Variants in KALRN observed in about 807,000 individuals in gnomAD.
KALRN encodes kalirin.
In KALRN, 70 loss-of-function variants were observed where a neutral mutation model predicts 353.7. The ratio of observed to expected loss-of-function variants is 0.20; its 90% confidence interval spans 0.16 to 0.24. The LOEUF (loss-of-function observed/expected upper bound fraction) is 0.24. Ranked by LOEUF, KALRN falls within the 10% of genes least tolerant of loss-of-function variation. The pLI is 1.00. For synonymous variants in KALRN, 1,391 were observed against 1,434.8 expected (o/e 0.97, Z 0.69); for missense variants, 2,791 against 3,756.7 (o/e 0.74, Z 6.72).
At chr3:124,399,128 CGTTTT>C (rs111243510) in intron 13 of KALRN, among the ~76,000 whole-genome samples, 2 of 151,370 alleles carry the variant, frequency 1.3e-5, no homozygotes, top group Admixed American at 1.3e-4. Context: ...TGTTTTTGTT[CGTTTT>C]GTTTTGTTTT....
chr3:124,360,065 A>G (rs183975521), intron 10 of KALRN, among the ~76,000 whole-genome samples: 1 of 152,380 alleles, frequency 6.6e-6, no homozygotes, highest in Admixed American at 6.5e-5. Context: ...GGGGCAGGGA[A>G]CACCCAGCAG....
At chr3:124,327,252 A>C (rs779696078) in intron 7 of KALRN, among the ~76,000 whole-genome samples, 1 of 152,216 alleles carries the variant, frequency 6.6e-6, no homozygotes, top group Non-Finnish European at 1.5e-5. Context: ...AATCAAGGAA[A>C]TATTCTTCCA....
chr3:124,694,575 G>C, intron 53 of KALRN, 72 bp downstream of exon 53: 1 of 1,453,780 alleles, frequency 6.9e-7, no homozygotes, highest in South Asian at 1.2e-5. Context: ...TGAATCTGGG[G>C]TGCAACTTCT....
At chr3:124,042,975 G>T (rs574025523) in intron 1 of KALRN, among the ~76,000 whole-genome samples, 1 of 152,310 alleles carries the variant, frequency 6.6e-6, no homozygotes, top group Middle Eastern at 3.4e-3. Flanking sequence ...ATATACAGGG[G>T]TATCTACAGT....
intron 55 of KALRN, among the ~76,000 whole-genome samples, chr3:124,699,165 A>G (rs1276583486): frequency 6.6e-6 from 1 of 152,076 alleles, no homozygotes; most frequent in Non-Finnish European, 1.5e-5. Flanking sequence ...TAAGCTGTTC[A>G]CTCTTGTGTC....
At chr3:124,490,579 T>A in intron 29 of KALRN, 115 bp from the exon 30 acceptor site, 1 of 902,908 alleles carries the variant, frequency 1.1e-6, no homozygotes, top group Non-Finnish European at 1.7e-6. Flanking sequence ...AAAAAAACCC[T>A]TCAGTAACTG....
intron 33 of KALRN, among the ~76,000 whole-genome samples, chr3:124,540,781 T>A (rs1035616247): frequency 6.6e-6 from 1 of 152,212 alleles, no homozygotes; most frequent in Non-Finnish European, 1.5e-5. Context: ...GGGCACCACT[T>A]ACCAAAACTA....
intron 1 of KALRN, among the ~76,000 whole-genome samples, chr3:124,123,924 C>T (rs1054354611): frequency 1.3e-5 from 2 of 152,262 alleles, no homozygotes; most frequent in Admixed American, 6.5e-5. Flanking sequence ...ATTGACAATA[C>T]ACCTGGTCAC....
At chr3:124,551,522 G>A (rs893818685) in intron 33 of KALRN, among the ~76,000 whole-genome samples, 3 of 152,186 alleles carry the variant, frequency 2.0e-5, no homozygotes, top group Non-Finnish European at 4.4e-5. Flanking sequence ...CTAGAAAGAG[G>A]CAGATGCTCG....
intron 6 of KALRN, among the ~76,000 whole-genome samples, chr3:124,314,373 A>G: frequency 7.8e-6 from 1 of 128,568 alleles, no homozygotes; most frequent in Non-Finnish European, 1.6e-5. Context: ...GGGGGGAGGG[A>G]TAGCATTAGG....
chr3:124,477,184 A>G (rs2061507186), intron 26 of KALRN, 61 bp from the exon 27 acceptor site: 6 of 1,237,734 alleles, frequency 4.8e-6, no homozygotes, highest in Admixed American at 1.7e-5. Flanking sequence ...GTCCTTCAGC[A>G]TGGTGGACAG....
chr3:124,543,130 A>G (rs1190522131), intron 33 of KALRN, among the ~76,000 whole-genome samples: 1 of 152,134 alleles, frequency 6.6e-6, no homozygotes, highest in African/African-American at 2.4e-5. Context: ...AGTAGAGAAC[A>G]AGGAGGAAGC....
chr3:124,692,403 C>T (rs2061860753), intron 51 of KALRN, among the ~76,000 whole-genome samples: 1 of 152,220 alleles, frequency 6.6e-6, no homozygotes, highest in Admixed American at 6.5e-5. Context: ...GAAATAATGT[C>T]TTTCTTCCAA....
chr3:124,503,076 C>T (rs1007810298), intron 33 of KALRN, among the ~76,000 whole-genome samples: 2 of 152,094 alleles, frequency 1.3e-5, no homozygotes, highest in East Asian at 3.9e-4. Flanking sequence ...GGGAAAAATT[C>T]CTCAGCACTA....
At chr3:124,166,211 T>G (rs996237158) in intron 1 of KALRN, among the ~76,000 whole-genome samples, 1 of 152,188 alleles carries the variant, frequency 6.6e-6, no homozygotes. Flanking sequence ...TCAAGTAATA[T>G]TGTTGTTTTG....
chr3:124,397,044 T>G (rs189393727), intron 12 of KALRN, among the ~76,000 whole-genome samples: 13 of 152,364 alleles, frequency 8.5e-5, no homozygotes, highest in African/African-American at 3.1e-4. Context: ...AGGGAGCTTT[T>G]GCATCATCTC....
At chr3:124,547,419 C>T (rs1213808159) in intron 33 of KALRN, among the ~76,000 whole-genome samples, 1 of 152,072 alleles carries the variant, frequency 6.6e-6, no homozygotes, top group Admixed American at 6.5e-5. Context: ...CTCAAGCAAT[C>T]CCCCCACCTC....
intron 2 of KALRN, among the ~76,000 whole-genome samples, chr3:124,232,183 C>T (rs1245319950): frequency 3.3e-5 from 5 of 152,182 alleles, no homozygotes; most frequent in Non-Finnish European, 2.9e-5. Context: ...CTCCACTCTG[C>T]CTTCACTCAG....
chr3:124,673,479 C>T (rs1187252078), intron 48 of KALRN, among the ~76,000 whole-genome samples: 1 of 147,796 alleles, frequency 6.8e-6, no homozygotes, highest in Admixed American at 6.8e-5. Context: ...TATGTATATA[C>T]ATATAGAATA....
Sources: gnomAD v4.1 joint callset for allele counts (sites outside exome capture counted in the v4.1 genomes callset) on GRCh38, gnomAD v4.1.1 for gene constraint, MANE v1.5 for transcripts, NCBI Gene and HGNC (gene_info 2026-07-23, HGNC 2026-07-21) for gene names.